Variants in CEP112 observed in about 807,000 individuals in gnomAD.
The protein encoded by CEP112 is centrosomal protein of 112 kDa.
Under a neutral mutation model 153.0 loss-of-function variants are expected in CEP112, and 127 were observed. The observed-to-expected ratio is 0.83, with a 90% CI of 0.72 to 0.96. The LOEUF (loss-of-function observed/expected upper bound fraction) is 0.96, where lower values mean the gene tolerates loss of function less well. Among genes scored for constraint, CEP112 ranks in the 40% least tolerant of loss-of-function variants. The probability of loss-of-function intolerance (pLI) is 0.00; values close to 1 mark genes in which losing one functional copy is unlikely to be tolerated. For synonymous variants in CEP112, 358 were observed against 374.4 expected, an observed-to-expected ratio of 0.96 and a Z score of 0.51; for missense variants, 1,089 against 1,101.2, an observed-to-expected ratio of 0.99 and a Z score of 0.16.
intron 4 of CEP112, among the ~76,000 whole-genome samples, chr17:66,143,321 G>A (rs182714639): frequency 6.6e-6 from 1 of 152,292 alleles, no homozygotes; most frequent in Admixed American, 6.5e-5. Flanking sequence ...CAAATCCAAG[G>A]TTTTGCCAGT....
At chr17:65,813,624 C>T (rs539947444) in intron 21 of CEP112, among the ~76,000 whole-genome samples, 1 of 152,324 alleles carries the variant, frequency 6.6e-6, no homozygotes, top group East Asian at 1.9e-4. Context: ...TGTAATTCCT[C>T]TGAGCCTCAG....
chr17:65,767,039 A>T (rs2145460275), intron 21 of CEP112, among the ~76,000 whole-genome samples: 1 of 152,282 alleles, frequency 6.6e-6, no homozygotes, highest in South Asian at 2.1e-4. Flanking sequence ...TGTGCTTTAG[A>T]CAAAATGGGC....
intron 20 of CEP112, among the ~76,000 whole-genome samples, chr17:65,872,630 C>T (rs1270667637): frequency 6.6e-6 from 1 of 152,008 alleles, no homozygotes; most frequent in Non-Finnish European, 1.5e-5. Flanking sequence ...AAACCATGGA[C>T]ACCAATAGAT....
At chr17:65,774,698 C>T (rs574264500) in intron 21 of CEP112, among the ~76,000 whole-genome samples, 9 of 152,270 alleles carry the variant, frequency 5.9e-5, no homozygotes, top group African/African-American at 1.9e-4. Flanking sequence ...CATGATAGAG[C>T]CACTGGGGCT....
rs12948946 is a variant in CEP112, at chr17:65,743,234, A to G, written c.2458-17T>C. Reference sequence around the variant, plus strand: ...TGCTATGATCTAAAATGAAAACAGCATGCTATAACTTCAAATTCTTCTGGG... The same window carrying G: ...TGCTATGATCTAAAATGAAAACAGCGTGCTATAACTTCAAATTCTTCTGGG... On this transcript the variant is annotated splice_polypyrimidine_tract_variant and intron_variant, in intron 22 of 26. Transcript: ENST00000535342. 0.31 allele frequency: 485,637 copies of G among 1,583,262 alleles called. 81,845 individuals are homozygous for G. The highest frequency in any genetic ancestry group is 0.35 in the Non-Finnish European group (403,161 of 1,167,422).
chr17:65,837,684 T>A (rs1393712611), intron 21 of CEP112, among the ~76,000 whole-genome samples: 5 of 152,238 alleles, frequency 3.3e-5, no homozygotes, highest in African/African-American at 1.2e-4. Flanking sequence ...CAGATCAGAT[T>A]GTTACTGTGT....
At chr17:66,107,141 C>T (rs1459975543) in intron 6 of CEP112, among the ~76,000 whole-genome samples, 2 of 149,164 alleles carry the variant, frequency 1.3e-5, no homozygotes, top group Non-Finnish European at 3.0e-5. Context: ...AAGAAACATA[C>T]TTCAGTACAA....
intron 20 of CEP112, among the ~76,000 whole-genome samples, chr17:65,856,220 T>C (rs1427448284): frequency 6.6e-6 from 1 of 151,914 alleles, no homozygotes; most frequent in Admixed American, 6.6e-5. Context: ...AGCCAAAGAA[T>C]AGAATTGCGC....
At position 66,147,628 on chromosome 17, in the gene CEP112, T is replaced by C. The variant is rs957770726; in HGVS notation, c.471-14865A>G. Among the ~76,000 whole-genome samples the C allele has an allele frequency of 4.6e-5, 7 of 152,170 alleles. No individual in the cohort carries two copies. The East Asian group carries it at 9.6e-4, about 21-fold the overall frequency. On this transcript the variant is annotated intron_variant, in intron 4 of 26. Coordinates refer to ENST00000535342, the MANE Select transcript of CEP112 (RefSeq NM_001199165.4). ...AAAGCTTTTCCCTATGTCTTCCGTA[T>C]GTTTCCCTATTATAGCTCTTATGTT...
chr17:66,054,565 A>T (rs928060322), intron 11 of CEP112, among the ~76,000 whole-genome samples: 7 of 152,212 alleles, frequency 4.6e-5, no homozygotes, highest in Non-Finnish European at 8.8e-5. Flanking sequence ...CAGGAGGTCC[A>T]GACAAGCTTC....
intron 24 of CEP112, among the ~76,000 whole-genome samples, chr17:65,667,551 G>A (rs1390559958): frequency 1.6e-5 from 2 of 123,862 alleles, no homozygotes; most frequent in African/African-American, 7.1e-5. Context: ...AACAACATTT[G>A]TACTCTTACA....
chr17:66,171,209 A>G (rs2072229620), intron 4 of CEP112, among the ~76,000 whole-genome samples: 1 of 152,204 alleles, frequency 6.6e-6, no homozygotes, highest in Non-Finnish European at 1.5e-5. Context: ...AGGCTAGGAC[A>G]CAAACAGCAT....
chr17:65,709,534 A>G (rs1156752749), intron 23 of CEP112, among the ~76,000 whole-genome samples: 1 of 152,124 alleles, frequency 6.6e-6, no homozygotes, highest in Non-Finnish European at 1.5e-5. Context: ...CGTATGGGGG[A>G]ACTGCCCCCA....
At chr17:65,656,488 AG>A (rs1229643747) in intron 24 of CEP112, among the ~76,000 whole-genome samples, 16 of 152,368 alleles carry the variant, frequency 1.1e-4, no homozygotes, top group African/African-American at 3.1e-4. Context: ...CTGTTAGACC[AG>A]GGGTCAACAA....
intron 21 of CEP112, among the ~76,000 whole-genome samples, chr17:65,776,258 G>A (rs959120239): frequency 3.3e-5 from 5 of 151,674 alleles, no homozygotes; most frequent in South Asian, 2.1e-4. Flanking sequence ...TTTTTGAGAC[G>A]GAGTCTCGCT....
chr17:65,799,906 T>C (rs2055162223), intron 21 of CEP112, among the ~76,000 whole-genome samples: 2 of 152,222 alleles, frequency 1.3e-5, no homozygotes, highest in Admixed American at 1.3e-4. Context: ...AGTTTGGGTA[T>C]ATTTCTCAGA....
chr17:65,952,936 C>T (rs1393186843), intron 18 of CEP112, among the ~76,000 whole-genome samples: 4 of 152,134 alleles, frequency 2.6e-5, no homozygotes, highest in African/African-American at 9.7e-5. Flanking sequence ...AGTGCCTGTT[C>T]AAATCTTTTG....
intron 23 of CEP112, among the ~76,000 whole-genome samples, chr17:65,711,258 A>AGCATTCAAG (rs2144715676): frequency 6.6e-6 from 1 of 152,332 alleles, no homozygotes; most frequent in South Asian, 2.1e-4. Flanking sequence ...AGAGTAATGA[A>AGCATTCAAG]GCATTCAAGG....
intron 21 of CEP112, among the ~76,000 whole-genome samples, chr17:65,755,004 C>G (rs1423287434): frequency 1.3e-5 from 2 of 151,950 alleles, no homozygotes; most frequent in Non-Finnish European, 2.9e-5. Context: ...ATGGGTTGGT[C>G]TGTGCAGCAA....
Sources: allele counts gnomAD v4.1 joint callset (sites outside exome capture counted in the v4.1 genomes callset), GRCh38; gene constraint gnomAD v4.1.1; transcripts MANE v1.5; gene names NCBI Gene and HGNC (gene_info 2026-07-23, HGNC 2026-07-21).